Variants in TUBG1 observed in about 807,000 individuals in gnomAD.
TUBG1 encodes tubulin gamma-1 chain.
TUBG1 carries 22 observed loss-of-function variants against 53.3 expected under a neutral mutation model. The ratio of observed to expected loss-of-function variants is 0.41; its 90% CI spans 0.29 to 0.59. The LOEUF (loss-of-function observed/expected upper bound fraction) is 0.59, where lower values mean the gene tolerates loss of function less well. Among genes scored for constraint, TUBG1 ranks in the 20% least tolerant of loss-of-function variants. The pLI, the probability that TUBG1 is intolerant of heterozygous loss-of-function variation, is 0.26. For missense variants in TUBG1, 217 were observed against 598.9 expected, an observed-to-expected ratio of 0.36 and a Z score of 6.66; for synonymous variants, 198 against 236.7, an observed-to-expected ratio of 0.84 and a Z score of 1.50.
Position 42,612,914 on chromosome 17 carries a change from T to G in TUBG1, c.480-33T>G, listed in dbSNP as rs200078527. On this transcript the variant is annotated intron_variant, in intron 5 of 10. Coordinates refer to ENST00000251413, the MANE Select transcript of TUBG1 (RefSeq NM_001070.5). ...CGCCATGTTCACCAGGCCTTCGGTC[T>G]GTTGCCCTGATCCTTTCCCCAACCC... The G allele has an allele frequency of 3.1e-4, 496 of 1,612,986 alleles. No homozygotes were observed. The African/African-American group carries it at 6.1e-3, about 20-fold the overall frequency.
chr17:42,612,953 T>C lies in TUBG1; in HGVS notation c.486T>C (p.Pro162=), dbSNP rs1186631173. The C allele has an allele frequency of 6.2e-7, 1 of 1,613,948 alleles. No homozygotes were observed. Among genetic ancestry groups the C allele is most frequent in the South Asian group, 1.1e-5 (1 of 91,082 alleles). Residue 162 remains proline, a synonymous_variant, in exon 6 of 11, where the codon CCT becomes CCC. Coordinates refer to ENST00000251413, the MANE Select transcript of TUBG1 (RefSeq NM_001070.5). ...TTTCCCCAACCCCCACCAGGTATCC[T>C]AAGAAGCTGGTGCAGACATACTCAG... ...YLLERLNDRY[P]KKLVQTYSVF... is the part of the protein sequence containing the mutation.
intron 4 of TUBG1, 141 bp downstream of exon 4, chr17:42,612,284 C>A: frequency 7.8e-7 from 1 of 1,288,374 alleles, no homozygotes; most frequent in Non-Finnish European, 1.1e-6. Flanking sequence ...AGAAACAAGG[C>A]AGTTGCCTAA....
chr17:42,613,555 C>T (rs1015729989), intron 6 of TUBG1, 92 bp from the exon 7 acceptor site: 2 of 1,592,626 alleles, frequency 1.3e-6, no homozygotes, highest in African/African-American at 2.7e-5. Flanking sequence ...GGCCATGAAG[C>T]TCAAAGGAAA....
chr17:42,614,227 G>A lies in TUBG1; in HGVS notation c.844-33G>A, dbSNP rs2052058752. 6.8e-6 allele frequency: 11 copies of A among 1,613,650 alleles called. No individual in the cohort carries two copies. The highest frequency in any genetic ancestry group is 9.3e-6 in the Non-Finnish European group (11 of 1,179,706). On this transcript the variant is annotated intron_variant, in intron 8 of 10. Coordinates refer to ENST00000251413, the MANE Select transcript of TUBG1 (RefSeq NM_001070.5). The surrounding 1 kb of genome is among the most constrained non-coding windows in gnomAD (Gnocchi z 5.1). ...GCCAAAGGGGGACTGTGCCCTGAGC[G>A]CTGGCCGGGTCCCTGTCTCACTGTC...
At chr17:42,609,958 C>G (rs1201429999) in intron 1 of TUBG1, 150 bp from the exon 2 acceptor site, 3 of 1,282,206 alleles carry the variant, frequency 2.3e-6, no homozygotes, top group Admixed American at 2.5e-5. Context: ...CCTGCCCAGT[C>G]CCTGGCGTAC....
In TUBG1 at chr17:42,614,976, C is replaced by G; in HGVS notation, c.1291C>G (p.Leu431Val). The change falls in exon 11 of 11, where the codon CTC becomes GTC. Residue 431 changes from leucine to valine, a missense_variant. Leu to Val is a conservative substitution (Grantham distance 32, BLOSUM62 1). Coordinates refer to ENST00000251413, the MANE Select transcript of TUBG1 (RefSeq NM_001070.5). This position sits in a 1 kb window ranked among gnomAD's most constrained non-coding sequence, Gnocchi z 5.1. Reference sequence around the variant, plus strand: ...CACATCCAGGGAGATTGTGCAGCAGCTCATCGATGAGTACCATGCGGCCAC... The same window carrying G: ...CACATCCAGGGAGATTGTGCAGCAGGTCATCGATGAGTACCATGCGGCCAC... ...MDTSREIVQQLIDEYHAATRP... is the reference protein window; with the variant it reads ...MDTSREIVQQVIDEYHAATRP... 6.2e-7 allele frequency: 1 copy of G among 1,614,170 alleles called. No homozygotes were observed. Among genetic ancestry groups the G allele is most frequent in the Non-Finnish European group, 8.5e-7 (1 of 1,180,020 alleles).
At chr17:42,612,647 C>A (rs1419588186) in intron 5 of TUBG1, 141 bp downstream of exon 5, 4 of 856,222 alleles carry the variant, frequency 4.7e-6, no homozygotes, top group Non-Finnish European at 7.3e-6. Context: ...AATGAAGTTA[C>A]AATGACTGAG....
At chr17:42,610,063 G>A (rs1177521756) in intron 1 of TUBG1, 45 bp from the exon 2 acceptor site, 1 of 1,609,198 alleles carries the variant, frequency 6.2e-7, no homozygotes, top group Admixed American at 1.7e-5. Flanking sequence ...GAACCTGCCC[G>A]GACCTAGATA....
intron 6 of TUBG1, among the ~76,000 whole-genome samples, chr17:42,613,323 GC>G (rs1239102926): frequency 1.3e-5 from 2 of 151,986 alleles, no homozygotes; most frequent in Non-Finnish European, 2.9e-5. Flanking sequence ...GGTGATATGT[GC>G]AGAAGGATCA....
Position 42,610,593 on chromosome 17 carries a change from C to CTGCCAG in TUBG1, c.330+3_330+4insTGCCAG, listed in dbSNP as rs1412257759. 2 of 1,613,464 alleles carry CTGCCAG rather than the reference C, an allele frequency of 1.2e-6. No homozygotes were observed. Among genetic ancestry groups the CTGCCAG allele is most frequent in the African/African-American group, 2.7e-5 (2 of 74,700 alleles). On this transcript the variant is annotated splice_donor_region_variant and intron_variant, in intron 3 of 10. Transcript: ENST00000251413. ...ACTGGGCCAGCGGATTCTCCCAGGT[C>CTGCCAG]GTTTCCTATTCCCTGGCAGGGCCCA...
At chr17:42,610,767 C>T (rs564260323) in intron 3 of TUBG1, 177 bp downstream of exon 3, 35 of 864,734 alleles carry the variant, frequency 4.0e-5, no homozygotes, top group African/African-American at 3.9e-4. Context: ...TGCAGTGTGC[C>T]AGGTCATTCT....
Position 42,615,124 on chromosome 17 carries a change from AG to A in TUBG1, c.*86del. 1 of 1,395,388 alleles carries A rather than the reference AG, an allele frequency of 7.2e-7. No homozygotes were observed. Among genetic ancestry groups the A allele is most frequent in the Non-Finnish European group, 1.0e-6 (1 of 1,000,710 alleles). 86.4% of individuals were successfully genotyped at this position (1,395,388 alleles called of 1,614,324 possible). On this transcript the variant is annotated 3_prime_UTR_variant, in exon 11 of 11. Transcript: ENST00000251413. ...TGACCACCCCCTCAGAGCACAGATC[AG>A]GGACCTCACGCATCTCTTTCTCATA...
In TUBG1 at chr17:42,613,049, G is replaced by A. The variant is rs1380806436; in HGVS notation, c.582G>A (p.Arg194=). The stretch of plus-strand genomic sequence containing the variant: ...ACAATTCACTCCTCACACTCAAGAG[G>A]CTGACGCAGAATGCAGACTGTGTGG... The part of the protein sequence containing the change: ...QPYNSLLTLK[R]LTQNADCVVV... The change falls in exon 6 of 11, where the codon AGG becomes AGA. Residue 194 remains arginine, a synonymous_variant. Transcript: ENST00000251413. 1.2e-6 allele frequency: 2 copies of A among 1,614,072 alleles called. No individual in the cohort carries two copies. Among genetic ancestry groups the A allele is most frequent in the South Asian group, 2.2e-5 (2 of 91,082 alleles).
At position 42,613,962 on chromosome 17, in the gene TUBG1, C is replaced by T. The variant is rs145699955; in HGVS notation, c.807C>T (p.Leu269=). Residue 269 remains leucine, a synonymous_variant, in exon 8 of 11, where the codon CTC becomes CTT. Coordinates refer to ENST00000251413, the MANE Select transcript of TUBG1 (RefSeq NM_001070.5). ...SLIPTPRLHF[L]MTGYTPLTTD... Reference sequence around the variant, plus strand: ...TTCCCACCCCACGGCTCCACTTCCTCATGACCGGCTACACCCCTCTCACTA... The same window carrying T: ...TTCCCACCCCACGGCTCCACTTCCTTATGACCGGCTACACCCCTCTCACTA... 242 of 1,614,108 alleles carry T rather than the reference C, an allele frequency of 1.5e-4. No individual in the cohort carries two copies. Among genetic ancestry groups the T allele is most frequent in the Non-Finnish European group, 1.8e-4 (213 of 1,180,054 alleles).
At chr17:42,612,331 C>A in intron 4 of TUBG1, 96 bp from the exon 5 acceptor site, 1 of 1,444,980 alleles carries the variant, frequency 6.9e-7, no homozygotes, top group Non-Finnish European at 9.6e-7. Context: ...GAAGCAAGGG[C>A]TCGGGAAAAT....
Position 42,610,191 on chromosome 17 carries a change from A to G in TUBG1, c.133A>G (p.Thr45Ala). ...GIVEEFATEG[T>A]DRKDVFFYQA... ...CGTGGAGGAGTTCGCCACCGAGGGC[A>G]CTGACCGCAAGGACGTCTTTTTCTA... The change falls in exon 2 of 11, where the codon ACT becomes GCT. Residue 45 changes from threonine to alanine, a missense_variant. Physicochemically the swap from Thr to Ala is moderately conservative, Grantham distance 58. Transcript: ENST00000251413. The G allele has an allele frequency of 6.2e-7, 1 of 1,614,284 alleles. No individual in the cohort carries two copies. Among genetic ancestry groups the G allele is most frequent in the Non-Finnish European group, 8.5e-7 (1 of 1,180,052 alleles).
intron 7 of TUBG1, 46 bp downstream of exon 7, chr17:42,613,779 T>A: frequency 6.2e-7 from 1 of 1,614,132 alleles, no homozygotes; most frequent in Non-Finnish European, 8.5e-7. Flanking sequence ...GCCCTCCTTG[T>A]TGGAGGGTCA....
chr17:42,613,896 C>G lies in TUBG1; in HGVS notation c.741C>G (p.Gly247=). ...SASTTTLRYP[G]YMNNDLIGLI... ...GCACCACCACCCTGCGCTACCCTGG[C>G]TACATGAACAATGACCTCATCGGCC... is the stretch of plus-strand genomic sequence containing the variant. The change falls in exon 8 of 11, where the codon GGC becomes GGG. Residue 247 remains glycine, a synonymous_variant. Coordinates refer to ENST00000251413, the MANE Select transcript of TUBG1 (RefSeq NM_001070.5). 6.2e-7 allele frequency: 1 copy of G among 1,614,224 alleles called. No individual in the cohort carries two copies. The highest frequency in any genetic ancestry group is 2.2e-5 in the East Asian group (1 of 44,884).
At chr17:42,612,600 AGG>A (rs2052045000) in intron 5 of TUBG1, 94 bp downstream of exon 5, 1 of 1,222,678 alleles carries the variant, frequency 8.2e-7, no homozygotes, top group South Asian at 1.3e-5. Flanking sequence ...TTGCTGGAAC[AGG>A]AAAGAGTTCT....
Sources: allele counts gnomAD v4.1 joint callset (sites outside exome capture counted in the v4.1 genomes callset), GRCh38; gene constraint gnomAD v4.1.1; non-coding constraint Gnocchi (gnomAD v3.1); transcripts MANE v1.5; gene names NCBI Gene and HGNC (gene_info 2026-07-23, HGNC 2026-07-21).